The following KLHL10 variants were observed in gnomAD, a reference collection of about 807,000 sequenced individuals.
The protein encoded by KLHL10 is kelch-like protein 10.
KLHL10 carries 11 observed loss-of-function variants against 46.6 expected under a neutral mutation model. The observed-to-expected ratio is 0.24, with a 90% CI of 0.15 to 0.39. The LOEUF is 0.39. Among genes scored for constraint, KLHL10 ranks in the 10% least tolerant of loss-of-function variants. The pLI is 1.00. For synonymous variants in KLHL10, 254 were observed against 279.1 expected, an observed-to-expected ratio of 0.91 and a Z score of 0.90; for missense variants, 475 against 789.8, an observed-to-expected ratio of 0.60 and a Z score of 4.78.
intron 3 of KLHL10, 56 bp from the exon 4 acceptor site, chr17:41,847,205 C>G: frequency 4.6e-6 from 7 of 1,537,146 alleles, no homozygotes; most frequent in Non-Finnish European, 6.3e-6. Context: ...CACACATATC[C>G]TTTCTTTCTA....
intron 3 of KLHL10, among the ~76,000 whole-genome samples, 153 bp from the exon 4 acceptor site, chr17:41,847,108 T>TA (rs1241014610): frequency 1.3e-5 from 2 of 151,952 alleles, no homozygotes; most frequent in Non-Finnish European, 2.9e-5. Flanking sequence ...ACTCTGTCTC[T>TA]AAAAAATAAA....
chr17:41,847,443 A>G (rs1555621577), intron 4 of KLHL10, 33 bp downstream of exon 4: 1 of 1,612,884 alleles, frequency 6.2e-7, no homozygotes, highest in African/African-American at 1.3e-5. Flanking sequence ...ACACACAAAA[A>G]ACACATTACC....
At chr17:41,841,056 C>A (rs925222874) in intron 1 of KLHL10, among the ~76,000 whole-genome samples, 1 of 151,868 alleles carries the variant, frequency 6.6e-6, no homozygotes, top group Non-Finnish European at 1.5e-5. Flanking sequence ...AGGAAAATTG[C>A]TTGCACTCTG....
chr17:41,841,448 G>A (rs1428012838), intron 1 of KLHL10, among the ~76,000 whole-genome samples: 1 of 152,166 alleles, frequency 6.6e-6, no homozygotes, highest in African/African-American at 2.4e-5. Flanking sequence ...CCAAGTAGCT[G>A]GGACTACAGG....
rs782015313 is a variant in KLHL10 at position 41,841,739 on chromosome 17, C to G, written c.195-84C>G. 11 of 1,545,380 alleles carry G rather than the reference C, an allele frequency of 7.1e-6. No homozygotes were observed. The African/African-American group carries it at 1.4e-4, about 19-fold the overall frequency. Reference sequence around the variant, plus strand: ...CACTGTATATAGCACATGCCTGCACCCCACTTTCTCAGACCATTTCCAATG... The same window carrying G: ...CACTGTATATAGCACATGCCTGCACGCCACTTTCTCAGACCATTTCCAATG... On this transcript the variant is annotated intron_variant, in intron 1 of 4. Transcript: ENST00000293303.
At chr17:41,840,266 A>T (rs1184485178) in intron 1 of KLHL10, among the ~76,000 whole-genome samples, 3 of 152,264 alleles carry the variant, frequency 2.0e-5, no homozygotes, top group African/African-American at 7.2e-5. Flanking sequence ...TATTCCAATA[A>T]GATTATTTAT....
intron 1 of KLHL10, among the ~76,000 whole-genome samples, chr17:41,841,123 G>A (rs1202278495): frequency 2.0e-5 from 3 of 150,666 alleles, no homozygotes; most frequent in East Asian, 1.9e-4. Context: ...CTGGGTGACA[G>A]AGCAAGACCC....
chr17:41,842,869 G>A (rs2048240917), intron 2 of KLHL10, among the ~76,000 whole-genome samples: 1 of 151,676 alleles, frequency 6.6e-6, no homozygotes, highest in Non-Finnish European at 1.5e-5. Flanking sequence ...CCTAGGAGGC[G>A]GAGGTTGCAG....
intron 2 of KLHL10, among the ~76,000 whole-genome samples, chr17:41,844,542 A>ATTTTTT (rs369578859): frequency 1.7e-5 from 2 of 115,348 alleles, no homozygotes; most frequent in African/African-American, 3.5e-5. Context: ...TGGTTTTTGT[A>ATTTTTT]TTTTTTTTTT....
chr17:41,845,303 T>C lies in KLHL10; in HGVS notation c.862T>C (p.Leu288=), dbSNP rs1555621203. The change falls in exon 3 of 5, where the codon TTG becomes CTG. Residue 288 remains leucine, a synonymous_variant. Transcript: ENST00000293303. ...CACCAACCCACTCACCAGACCACGC[T>C]TGCCCTATGCCATCCTCTTTGCAAT... ...DFTNPLTRPR[L]PYAILFAIGG... 3.1e-6 allele frequency: 5 copies of C among 1,614,124 alleles called. No homozygotes were observed. The African/African-American group carries it at 6.7e-5, about 22-fold the overall frequency.
At chr17:41,835,847 C>T (rs2048143966), upstream of KLHL10, 9 of 1,603,166 alleles carry the variant, frequency 5.6e-6, no homozygotes, top group Non-Finnish European at 7.7e-6. Context: ...CCCCCGCACG[C>T]CCCAGAGGTA....
chr17:41,847,500 A>T, intron 4 of KLHL10, 90 bp downstream of exon 4: 4 of 1,441,938 alleles, frequency 2.8e-6, no homozygotes, highest in South Asian at 1.2e-5. Flanking sequence ...ATTGGTAAGT[A>T]TTTGAAAAGC....
chr17:41,840,258 T>G (rs1555620591), intron 1 of KLHL10, among the ~76,000 whole-genome samples: 1 of 152,240 alleles, frequency 6.6e-6, no homozygotes, highest in African/African-American at 2.4e-5. Context: ...TGTGGCTGTA[T>G]TCCAATAAGA....
At chr17:41,840,602 C>T (rs1244824639) in intron 1 of KLHL10, among the ~76,000 whole-genome samples, 1 of 150,664 alleles carries the variant, frequency 6.6e-6, no homozygotes, top group Non-Finnish European at 1.5e-5. Context: ...CAAGATCAAG[C>T]CACTGCACTC....
At chr17:41,842,777 A>C (rs2048239780) in intron 2 of KLHL10, among the ~76,000 whole-genome samples, 1 of 151,896 alleles carries the variant, frequency 6.6e-6, no homozygotes, top group Non-Finnish European at 1.5e-5. Flanking sequence ...ATCTCTGCTA[A>C]AATACAAAAA....
rs782775372 is a variant in KLHL10, at chr17:41,845,257, T to G, written c.816T>G (p.Asn272Lys). Residue 272 changes from asparagine to lysine, a missense_variant, in exon 3 of 5, where the codon AAT becomes AAG. Physicochemically the swap from Asn to Lys is moderately conservative, Grantham distance 94. Transcript: ENST00000293303. ...AGGCCATGTATGACCTCAACATGAA[T>G]GGACCCTCTAATTCTGATTTCACCA... ...ALKAMYDLNM[N>K]GPSNSDFTNP... is the part of the protein sequence containing the mutation. 6.2e-7 allele frequency: 1 copy of G among 1,614,250 alleles called. No homozygotes were observed. The highest frequency in any genetic ancestry group is 8.5e-7 in the Non-Finnish European group (1 of 1,180,040).
Position 41,845,587 on chromosome 17 carries a change from A to C in KLHL10, c.1146A>C (p.Thr382=). The change falls in exon 3 of 5, where the codon ACA becomes ACC. Residue 382 remains threonine, a synonymous_variant. Transcript: ENST00000293303. ...MHSRRCYVSV[T]VLGNFIYAMG... is the part of the protein sequence containing the mutation. The stretch of plus-strand genomic sequence containing the variant: ...CCAGACGTTGCTATGTCAGTGTGAC[A>C]GTCCTCGGCAATTTTATTTATGCCA... 1 of 1,614,218 alleles carries C rather than the reference A, an allele frequency of 6.2e-7. No homozygotes were observed. The highest frequency in any genetic ancestry group is 8.5e-7 in the Non-Finnish European group (1 of 1,180,012).
upstream of KLHL10, chr17:41,836,063 G>A (rs1293252236): frequency 1.3e-5 from 18 of 1,397,524 alleles, no homozygotes; most frequent in Non-Finnish European, 1.7e-5. Flanking sequence ...GGGTGCGCGA[G>A]GGGGCGGCTA....
Position 41,843,012 on chromosome 17 carries a change from A to G in KLHL10, c.684+700A>G, listed in dbSNP as rs142337354. Among the ~76,000 whole-genome samples the G allele has an allele frequency of 9.2e-4, 139 of 151,892 alleles. 3 individuals carry two copies. The highest frequency in any genetic ancestry group is 3.2e-3 in the African/African-American group (133 of 41,430). On this transcript the variant is annotated intron_variant, in intron 2 of 4. Transcript: ENST00000293303. ...GTGGTGCATGCCTGCAGTTCCAGCT[A>G]CTGGGTGGAAGGCTGAAATGGGAGG...
Sources: gnomAD v4.1 joint callset for allele counts (sites outside exome capture counted in the v4.1 genomes callset) on GRCh38, gnomAD v4.1.1 for gene constraint, MANE v1.5 for transcripts, NCBI Gene and HGNC (gene_info 2026-07-23, HGNC 2026-07-21) for gene names.